HSD11B1: variants seen among roughly 807,000 people sequenced by gnomAD.
The protein encoded by HSD11B1 is 11-beta-hydroxysteroid dehydrogenase 1.
HSD11B1 carries 15 observed loss-of-function variants against 22.1 expected under a neutral mutation model. That is an observed-to-expected ratio of 0.68 (90% confidence interval 0.45 to 1.04). The LOEUF (loss-of-function observed/expected upper bound fraction) is 1.04. Ranked by LOEUF, HSD11B1 falls within the 50% of genes least tolerant of loss-of-function variation. HSD11B1 has a pLI of 0.00. For synonymous variants in HSD11B1, 122 were observed against 125.2 expected, an observed-to-expected ratio of 0.97 and a Z score of 0.17; for missense variants, 281 against 357.6, an observed-to-expected ratio of 0.79 and a Z score of 1.73.
At chr1:209,717,957 G>A (rs2076940527) in intron 4 of HSD11B1, among the ~76,000 whole-genome samples, 2 of 151,000 alleles carry the variant, frequency 1.3e-5, no homozygotes, top group South Asian at 4.2e-4. Flanking sequence ...GGATGGAACT[G>A]AAAGTCATTA....
At position 209,712,973 on chromosome 1, in the gene HSD11B1, TG is replaced by T. The variant is rs553764506; in HGVS notation, c.517+5848del. On this transcript the variant is annotated intron_variant, in intron 4 of 5. Coordinates refer to ENST00000367027, the MANE Select transcript of HSD11B1 (RefSeq NM_005525.4). The stretch of plus-strand genomic sequence containing the variant: ...CTGAGGCAGGAGAATCGCTTGAACC[TG>T]GGAGGTGGAGGTTGCAGTGAGCCGA... 1.7e-3 allele frequency among the ~76,000 whole-genome samples: 257 copies of T among 152,120 alleles called. 1 individual carries two copies. The highest frequency in any genetic ancestry group is 0.014 in the Middle Eastern group (4 of 294).
At chr1:209,722,106 A>G (rs1400860603) in intron 4 of HSD11B1, among the ~76,000 whole-genome samples, 1 of 152,084 alleles carries the variant, frequency 6.6e-6, no homozygotes, top group Non-Finnish European at 1.5e-5. Context: ...CCACCCTTCA[A>G]CTGTGGATGT....
chr1:209,719,690 TG>T (rs2076953490), intron 4 of HSD11B1, among the ~76,000 whole-genome samples: 2 of 152,334 alleles, frequency 1.3e-5, no homozygotes, highest in South Asian at 4.1e-4. Context: ...CTGAGAATGA[TG>T]GTTTCCAGCT....
chr1:209,692,025 T>C (rs2076762345), intron 1 of HSD11B1, among the ~76,000 whole-genome samples: 1 of 152,038 alleles, frequency 6.6e-6, no homozygotes, highest in African/African-American at 2.4e-5. Flanking sequence ...TAGGTGACTT[T>C]TTAAGCCCTC....
At chr1:209,716,163 A>G (rs573711223) in intron 4 of HSD11B1, among the ~76,000 whole-genome samples, 38 of 152,224 alleles carry the variant, frequency 2.5e-4, no homozygotes, top group Non-Finnish European at 5.1e-4. Context: ...TTCACATGAC[A>G]TGATTTTATA....
chr1:209,731,008 C>T (rs192573391), intron 4 of HSD11B1, among the ~76,000 whole-genome samples: 1 of 152,278 alleles, frequency 6.6e-6, no homozygotes, highest in African/African-American at 2.4e-5. Context: ...CTAAGGGCAA[C>T]CCCAATCAGT....
At chr1:209,718,324 T>C (rs1388585812) in intron 4 of HSD11B1, among the ~76,000 whole-genome samples, 1 of 152,212 alleles carries the variant, frequency 6.6e-6, no homozygotes, top group Non-Finnish European at 1.5e-5. Flanking sequence ...TCTATGGATG[T>C]AACAGAATAT....
At chr1:209,732,009 G>A (rs1571889096) in intron 4 of HSD11B1, among the ~76,000 whole-genome samples, 1 of 152,198 alleles carries the variant, frequency 6.6e-6, no homozygotes, top group Non-Finnish European at 1.5e-5. Context: ...ACCTGGCCAG[G>A]ACAGGCAGTT....
chr1:209,700,036 G>A (rs941030889), upstream of HSD11B1, among the ~76,000 whole-genome samples: 2 of 152,184 alleles, frequency 1.3e-5, no homozygotes, highest in African/African-American at 4.8e-5. Context: ...GCTTTCATGG[G>A]CTGGTATTGA....
At chr1:209,705,762 T>G (rs770303133) in intron 1 of HSD11B1, 49 bp from the exon 2 acceptor site, 12 of 1,611,026 alleles carry the variant, frequency 7.4e-6, no homozygotes, top group Non-Finnish European at 1.0e-5. Flanking sequence ...GAGAAGGAAT[T>G]TTGCTGCCAA....
At chr1:209,704,805 C>G, upstream of HSD11B1, 1 of 682,176 alleles carries the variant, frequency 1.5e-6, no homozygotes, top group South Asian at 1.6e-5. Context: ...AATTGGCTAG[C>G]ACTGCCTGAG....
intron 4 of HSD11B1, among the ~76,000 whole-genome samples, chr1:209,722,024 A>T (rs1380812953): frequency 6.6e-6 from 1 of 152,154 alleles, no homozygotes; most frequent in Non-Finnish European, 1.5e-5. Context: ...GACATTGAGA[A>T]CTATCTCTTA....
Position 209,734,378 on chromosome 1 carries a change from A to C in HSD11B1, c.736A>C (p.Ile246Leu). The C allele has an allele frequency of 6.2e-7, 1 of 1,614,150 alleles. No individual in the cohort carries two copies. Among genetic ancestry groups the C allele is most frequent in the Non-Finnish European group, 8.5e-7 (1 of 1,180,010 alleles). The change falls in exon 6 of 6, where the codon ATC becomes CTC. Residue 246 changes from isoleucine (I) to leucine (L), a missense_variant. Coordinates refer to ENST00000367027, the MANE Select transcript of HSD11B1 (RefSeq NM_005525.4). ...APKEECALEI[I>L]KGGALRQEEV... Reference sequence around the variant, plus strand: ...AAAGGAGGAATGTGCCCTGGAGATCATCAAAGGGGGAGCTCTGCGCCAAGA... The same window carrying C: ...AAAGGAGGAATGTGCCCTGGAGATCCTCAAAGGGGGAGCTCTGCGCCAAGA...
At chr1:209,698,683 CCTGAAA>C (rs2076807903) in intron 1 of HSD11B1, among the ~76,000 whole-genome samples, 1 of 152,162 alleles carries the variant, frequency 6.6e-6, no homozygotes, top group Non-Finnish European at 1.5e-5. Flanking sequence ...AGAGAGAAAA[CCTGAAA>C]AACTACAACT....
chr1:209,688,045 T>C (rs1310478901), intron 1 of HSD11B1, among the ~76,000 whole-genome samples: 1 of 152,206 alleles, frequency 6.6e-6, no homozygotes, highest in Non-Finnish European at 1.5e-5. Flanking sequence ...GGGAATAAGA[T>C]ATTATGATTT....
chr1:209,723,546 A>G (rs1342189005), intron 4 of HSD11B1, among the ~76,000 whole-genome samples: 2 of 152,290 alleles, frequency 1.3e-5, no homozygotes, highest in East Asian at 3.9e-4. Flanking sequence ...CCAGGTTAAT[A>G]AAAAATCCTA....
At chr1:209,722,624 TAA>T (rs939421857) in intron 4 of HSD11B1, among the ~76,000 whole-genome samples, 16 of 152,214 alleles carry the variant, frequency 1.1e-4, no homozygotes, top group African/African-American at 3.1e-4. Context: ...TCCAAACAAC[TAA>T]AGAGTTTAGA....
At chr1:209,726,303 A>C (rs887502244) in intron 4 of HSD11B1, among the ~76,000 whole-genome samples, 28 of 135,440 alleles carry the variant, frequency 2.1e-4, no homozygotes, top group African/African-American at 8.2e-4. Context: ...AAAAAAAAAA[A>C]ACCAAAAATA....
chr1:209,688,644 G>A (rs2076741794), intron 1 of HSD11B1, among the ~76,000 whole-genome samples: 1 of 152,168 alleles, frequency 6.6e-6, no homozygotes, highest in South Asian at 2.1e-4. Context: ...AGTAACTTGG[G>A]GGTAAGTAGA....
Sources: gnomAD v4.1 joint callset for allele counts (sites outside exome capture counted in the v4.1 genomes callset) on GRCh38, gnomAD v4.1.1 for gene constraint, MANE v1.5 for transcripts, NCBI Gene and HGNC (gene_info 2026-07-23, HGNC 2026-07-21) for gene names.